The following ERC2 variants were observed in gnomAD, a reference collection of about 807,000 sequenced individuals.
ERC2 encodes the protein ELKS/RAB6-interacting/CAST family member 2.
ERC2 carries 42 observed loss-of-function variants against 114.8 expected under a neutral mutation model. The observed-to-expected ratio is 0.37, with a 90% CI of 0.29 to 0.47. The LOEUF (loss-of-function observed/expected upper bound fraction) is 0.47. Ranked by LOEUF, ERC2 falls within the 20% of genes least tolerant of loss-of-function variation. ERC2 has a pLI of 0.99. For missense variants in ERC2, 939 were observed against 1,150.7 expected (o/e 0.82, Z 2.66); for synonymous variants, 454 against 425.5 (o/e 1.07, Z -0.82).
chr3:56,199,780 A>T (rs2048307764), intron 3 of ERC2, among the ~76,000 whole-genome samples: 1 of 152,104 alleles, frequency 6.6e-6, no homozygotes, highest in South Asian at 2.1e-4. Context: ...AAGCACTGGG[A>T]TTGCAGATGT....
chr3:55,835,044 A>C (rs1020789536), intron 14 of ERC2, among the ~76,000 whole-genome samples: 14 of 151,820 alleles, frequency 9.2e-5, no homozygotes, highest in African/African-American at 3.4e-4. Flanking sequence ...CCCAAGACTA[A>C]ACCAGGAAGA....
At chr3:56,116,487 G>C (rs1165765981) in intron 6 of ERC2, among the ~76,000 whole-genome samples, 1 of 152,194 alleles carries the variant, frequency 6.6e-6, no homozygotes, top group East Asian at 1.9e-4. Flanking sequence ...AGAAGGAACA[G>C]GTGTATGTGC....
chr3:55,527,318 G>A (rs1163249745), intron 17 of ERC2, among the ~76,000 whole-genome samples: 4 of 152,294 alleles, frequency 2.6e-5, no homozygotes, highest in African/African-American at 9.6e-5. Flanking sequence ...AGTGCTTAGT[G>A]GGGGGCCTCA....
chr3:56,203,285 G>A (rs2150101214), intron 3 of ERC2, among the ~76,000 whole-genome samples: 1 of 152,306 alleles, frequency 6.6e-6, no homozygotes, highest in South Asian at 2.1e-4. Context: ...GACAGCCTCT[G>A]ACCTTAAAGT....
At chr3:56,170,601 T>G (rs1167095205) in intron 4 of ERC2, among the ~76,000 whole-genome samples, 1 of 143,508 alleles carries the variant, frequency 7.0e-6, no homozygotes, top group African/African-American at 2.6e-5. Flanking sequence ...TTTTTTTTTT[T>G]TTTTTTTTTT....
chr3:56,308,722 G>C (rs573914711), intron 2 of ERC2, among the ~76,000 whole-genome samples: 1 of 152,070 alleles, frequency 6.6e-6, no homozygotes, highest in South Asian at 2.1e-4. Context: ...AGCAGCTTAG[G>C]GTTTCATTGC....
chr3:56,072,632 T>C (rs533992156), intron 7 of ERC2, among the ~76,000 whole-genome samples: 2 of 152,256 alleles, frequency 1.3e-5, no homozygotes, highest in South Asian at 4.1e-4. Flanking sequence ...AATGACTAGA[T>C]CAAATGTATG....
In ERC2 at chr3:56,170,585, G is replaced by GC. The variant is rs1553861329; in HGVS notation, c.1149+2860_1149+2861insG. ...CAATTTAGTCTAAGAAATCTCTTCT[G>GC]TTTTTTTTTTTTTTTTTTTTTTTTT... On this transcript the variant is annotated intron_variant, in intron 4 of 17. Transcript: ENST00000288221. Among the ~76,000 whole-genome samples, 25 of 61,778 alleles carry GC rather than the reference G, an allele frequency of 4.0e-4. No homozygotes were observed. The East Asian group carries it at 0.011, about 27-fold the overall frequency. The allele number at this position is 61,778 out of a possible 152,430, so 40.5% of individuals were successfully genotyped here. A position where few individuals can be genotyped will look rare whatever the true frequency, so the allele number is the denominator to read the frequency against.
intron 2 of ERC2, among the ~76,000 whole-genome samples, chr3:56,311,276 T>C (rs1460699745): frequency 7.3e-6 from 1 of 136,292 alleles, no homozygotes; most frequent in Non-Finnish European, 1.5e-5. Context: ...TATATATATA[T>C]ATATATATAT....
intron 10 of ERC2, among the ~76,000 whole-genome samples, chr3:56,001,900 C>A (rs2072098398): frequency 6.6e-6 from 1 of 151,910 alleles, no homozygotes; most frequent in South Asian, 2.1e-4. Flanking sequence ...CATTTTTTCC[C>A]AGGGTGTTTT....
intron 17 of ERC2, among the ~76,000 whole-genome samples, chr3:55,603,985 A>T (rs1274920290): frequency 1.3e-5 from 2 of 151,974 alleles, no homozygotes; most frequent in Non-Finnish European, 2.9e-5. Context: ...CCCCCCCAGC[A>T]TGTCTCTCCG....
chr3:56,172,599 C>T (rs1029719284), intron 4 of ERC2, among the ~76,000 whole-genome samples: 2 of 152,132 alleles, frequency 1.3e-5, no homozygotes, highest in African/African-American at 2.4e-5. Context: ...TACACTTGAG[C>T]GTGGAATTTT....
intron 7 of ERC2, among the ~76,000 whole-genome samples, chr3:56,035,858 T>C (rs1168735005): frequency 2.0e-5 from 3 of 152,172 alleles, no homozygotes; most frequent in African/African-American, 7.2e-5. Flanking sequence ...TCCAATCTCA[T>C]TTACAAGGCC....
intron 2 of ERC2, among the ~76,000 whole-genome samples, chr3:56,370,081 T>C (rs1292566560): frequency 6.6e-6 from 1 of 152,210 alleles, no homozygotes; most frequent in African/African-American, 2.4e-5. Context: ...GCACAGGGAC[T>C]GTAAGTCTAT....
chr3:56,101,590 G>A lies in ERC2; in HGVS notation c.1474-20606C>T, dbSNP rs1170598553. On this transcript the variant is annotated intron_variant, in intron 6 of 17. Transcript: ENST00000288221. Reference sequence around the variant, plus strand: ...ACTTACCCATGGCCCCACATCCACCGAAAATCAACCGGGCCTCCCCAGCCA... The same window carrying A: ...ACTTACCCATGGCCCCACATCCACCAAAAATCAACCGGGCCTCCCCAGCCA... Among the ~76,000 whole-genome samples, 4 of 152,116 alleles carry A rather than the reference G, an allele frequency of 2.6e-5. 1 individual carries two copies. In the South Asian group the frequency reaches 8.3e-4, roughly 32 times the overall value.
rs114172463 is a variant in ERC2, at chr3:56,080,731, C to T, written c.1641+86G>A. On this transcript the variant is annotated intron_variant, in intron 7 of 17. Transcript: ENST00000288221. ...TTCTTCCTAAAGATTCGTAAAAGAT[C>T]ACTTATTTTCCATGTGCTCAAAATT... is the stretch of plus-strand genomic sequence containing the variant. 487 of 1,329,654 alleles carry T rather than the reference C, an allele frequency of 3.7e-4. No individual in the cohort carries two copies. The African/African-American group carries it at 6.3e-3, about 17-fold the overall frequency. The allele number at this position is 1,329,654 out of a possible 1,614,324, so 82.4% of individuals were successfully genotyped here.
chr3:56,077,167 G>A (rs1055045623), intron 7 of ERC2, among the ~76,000 whole-genome samples: 7 of 152,156 alleles, frequency 4.6e-5, no homozygotes, highest in South Asian at 2.1e-4. Flanking sequence ...TGGCCCATTC[G>A]TTTTTGTATT....
chr3:55,624,318 G>A (rs1190221100), intron 17 of ERC2, among the ~76,000 whole-genome samples: 2 of 152,204 alleles, frequency 1.3e-5, no homozygotes, highest in Admixed American at 6.5e-5. Context: ...ATGTGAGGAC[G>A]AGTCTGAGGT....
In ERC2 at chr3:56,116,839, C is replaced by T. The variant is rs1049551327; in HGVS notation, c.1473+22670G>A. Among the ~76,000 whole-genome samples the T allele has an allele frequency of 4.6e-5, 7 of 152,150 alleles. 1 individual carries two copies. Among genetic ancestry groups the T allele is most frequent in the Admixed American group, 3.3e-4 (5 of 15,272 alleles). The stretch of plus-strand genomic sequence containing the variant: ...CACCTCTTTCATGTTCCTTGTCTGG[C>T]TCTTCCTGGGGGACCATGTTTATTT... On this transcript the variant is annotated intron_variant, in intron 6 of 17. Coordinates refer to ENST00000288221, the MANE Select transcript of ERC2 (RefSeq NM_015576.3).
Sources: allele counts gnomAD v4.1 joint callset (sites outside exome capture counted in the v4.1 genomes callset), GRCh38; gene constraint gnomAD v4.1.1; transcripts MANE v1.5; gene names NCBI Gene and HGNC (gene_info 2026-07-23, HGNC 2026-07-21).